Variants in RPTOR observed in about 807,000 individuals in gnomAD.
The protein encoded by RPTOR is regulatory associated protein of MTOR complex 1.
Under a neutral mutation model 169.9 loss-of-function variants are expected in RPTOR, and 21 were observed. That is an observed-to-expected ratio of 0.12 (90% confidence interval 0.09 to 0.18). RPTOR has a LOEUF of 0.18. Ranked by LOEUF, RPTOR falls within the 10% of genes least tolerant of loss-of-function variation. The pLI, the probability that RPTOR is intolerant of heterozygous loss-of-function variation, is 1.00. For synonymous variants in RPTOR, 732 were observed against 753.2 expected, an observed-to-expected ratio of 0.97 and a Z score of 0.46; for missense variants, 1,133 against 1,855.9, an observed-to-expected ratio of 0.61 and a Z score of 7.16.
At chr17:80,585,977 A>T (rs2065057397) in intron 1 of RPTOR, among the ~76,000 whole-genome samples, 1 of 151,182 alleles carries the variant, frequency 6.6e-6, no homozygotes, top group African/African-American at 2.4e-5. Context: ...TATTGTTCCG[A>T]GGTCTTCTGA....
At chr17:80,686,544 A>C (rs1439527432) in intron 3 of RPTOR, among the ~76,000 whole-genome samples, 1 of 151,974 alleles carries the variant, frequency 6.6e-6, no homozygotes, top group Non-Finnish European at 1.5e-5. Flanking sequence ...GAGAAAGGTA[A>C]ATTTACAGTA....
At chr17:80,570,542 C>T (rs954004996) in intron 1 of RPTOR, among the ~76,000 whole-genome samples, 2 of 152,040 alleles carry the variant, frequency 1.3e-5, no homozygotes, top group African/African-American at 4.8e-5. Flanking sequence ...CTCACTGCAA[C>T]CTCCGCCTCC....
At chr17:80,618,217 C>G (rs2065327336) in intron 1 of RPTOR, among the ~76,000 whole-genome samples, 1 of 152,118 alleles carries the variant, frequency 6.6e-6, no homozygotes. Flanking sequence ...AAACTCCTGA[C>G]CTCAGGTGAT....
chr17:80,564,106 A>G (rs1406796381), intron 1 of RPTOR, among the ~76,000 whole-genome samples: 3 of 149,862 alleles, frequency 2.0e-5, no homozygotes, highest in Non-Finnish European at 4.4e-5. Context: ...TCTGTCGCCC[A>G]GGCTGGAGTG....
intron 4 of RPTOR, among the ~76,000 whole-genome samples, chr17:80,709,266 G>A (rs968355834): frequency 2.0e-5 from 3 of 152,224 alleles, no homozygotes; most frequent in African/African-American, 7.2e-5. Flanking sequence ...GAAGCAGGAT[G>A]TAATGAACCA....
chr17:80,566,184 G>A lies in RPTOR; in HGVS notation c.162+20393G>A, dbSNP rs139141021. 3.4e-3 allele frequency among the ~76,000 whole-genome samples: 517 copies of A among 152,310 alleles called. 4 individuals are homozygous for A. Among genetic ancestry groups the A allele is most frequent in the African/African-American group, 0.012 (484 of 41,572 alleles). On this transcript the variant is annotated intron_variant, in intron 1 of 33. Coordinates refer to ENST00000306801, the MANE Select transcript of RPTOR (RefSeq NM_020761.3). ...TCTAAGACTCCTCCTGCATAGCGCA[G>A]CTGTAGGGATTAAGCAGGATAATAT...
chr17:80,954,698 C>T lies in RPTOR; in HGVS notation c.3371-2926C>T, dbSNP rs7225080. On this transcript the variant is annotated intron_variant, in intron 28 of 33. Transcript: ENST00000306801. ...CCCAGAAGCCGAGGCAGATGGATCACCTGAGGTCAATAGTTCAAGACCAGC... is the reference window on the plus strand; with the variant it reads ...CCCAGAAGCCGAGGCAGATGGATCATCTGAGGTCAATAGTTCAAGACCAGC... Among the ~76,000 whole-genome samples, 649 of 152,340 alleles carry T rather than the reference C, an allele frequency of 4.3e-3. 13 individuals are homozygous for T. The highest frequency in any genetic ancestry group is 0.015 in the African/African-American group (620 of 41,578).
At chr17:80,724,751 C>T (rs954500473) in intron 4 of RPTOR, among the ~76,000 whole-genome samples, 9 of 152,200 alleles carry the variant, frequency 5.9e-5, no homozygotes, top group Admixed American at 5.2e-4. Context: ...GTGTGCCCCC[C>T]GTTCCCTCCT....
At chr17:80,884,738 C>T (rs1395364102) in intron 16 of RPTOR, among the ~76,000 whole-genome samples, 1 of 152,232 alleles carries the variant, frequency 6.6e-6, no homozygotes, top group African/African-American at 2.4e-5. Context: ...AGCACATTCC[C>T]TGGTGCCTGG....
At position 80,857,783 on chromosome 17, in the gene RPTOR, C is replaced by T. The variant is rs1264363492; in HGVS notation, c.1399-7C>T. The T allele has an allele frequency of 1.6e-5, 26 of 1,604,494 alleles. No homozygotes were observed. The highest frequency in any genetic ancestry group is 2.0e-5 in the Non-Finnish European group (24 of 1,176,796). On this transcript the variant is annotated splice_region_variant and splice_polypyrimidine_tract_variant and intron_variant, in intron 12 of 33. Coordinates refer to ENST00000306801, the MANE Select transcript of RPTOR (RefSeq NM_020761.3). ...ACAGGTGCGCTGACGCCCTCCCTCG[C>T]CCCCAGGCCTTGTCTGTCGGCATCT...
intron 3 of RPTOR, among the ~76,000 whole-genome samples, chr17:80,645,297 G>A (rs1237615939): frequency 6.6e-6 from 1 of 152,140 alleles, no homozygotes; most frequent in Non-Finnish European, 1.5e-5. Flanking sequence ...GGAATTCAGA[G>A]GAATGCCTTT....
chr17:80,630,226 T>G (rs889002700), intron 2 of RPTOR, among the ~76,000 whole-genome samples: 4 of 152,258 alleles, frequency 2.6e-5, no homozygotes, highest in Non-Finnish European at 5.9e-5. Context: ...TTGCTTTTTT[T>G]GTGCTTTATA....
chr17:80,882,688 T>C (rs1475655982), intron 14 of RPTOR, among the ~76,000 whole-genome samples: 1 of 152,160 alleles, frequency 6.6e-6, no homozygotes, highest in East Asian at 1.9e-4. Context: ...GAAAGCAAGA[T>C]GCAGGACACG....
intron 1 of RPTOR, among the ~76,000 whole-genome samples, chr17:80,570,865 C>T (rs1421008411): frequency 6.6e-6 from 1 of 152,170 alleles, no homozygotes; most frequent in African/African-American, 2.4e-5. Flanking sequence ...CCAACTTACA[C>T]ACAGCATTAA....
chr17:80,674,381 T>A (rs527382457), intron 3 of RPTOR, among the ~76,000 whole-genome samples: 54 of 152,284 alleles, frequency 3.5e-4, no homozygotes, highest in Non-Finnish European at 6.3e-4. Context: ...CCTTTAAGGA[T>A]GTTTCTTAAA....
At chr17:80,725,272 G>A (rs1598258678) in intron 4 of RPTOR, among the ~76,000 whole-genome samples, 1 of 152,144 alleles carries the variant, frequency 6.6e-6, no homozygotes, top group Non-Finnish European at 1.5e-5. Flanking sequence ...TGAGGCAGGC[G>A]GACTCTTCCC....
chr17:80,838,374 G>T (rs1393846705), intron 10 of RPTOR, among the ~76,000 whole-genome samples: 1 of 152,112 alleles, frequency 6.6e-6, no homozygotes, highest in Non-Finnish European at 1.5e-5. Flanking sequence ...ACCCACGGGG[G>T]GTTTGGTGCT....
intron 1 of RPTOR, among the ~76,000 whole-genome samples, chr17:80,598,248 A>G (rs2065158631): frequency 6.6e-6 from 1 of 152,210 alleles, no homozygotes; most frequent in Non-Finnish European, 1.5e-5. Context: ...ATATGATGCC[A>G]TTTCAACATG....
intron 1 of RPTOR, among the ~76,000 whole-genome samples, chr17:80,591,167 T>TTCCCCTCCCCTCCCCTCCCC (rs1272190121): frequency 0.84 from 1,874 of 2,218 alleles, 933 homozygotes; most frequent in Middle Eastern, 1. Context: ...CTCCCCTCCC[T>TTCCCCTCCCCTCCCCTCCCC]TCCCTTCCCC....
Sources: gnomAD v4.1 joint callset for allele counts (sites outside exome capture counted in the v4.1 genomes callset) on GRCh38, gnomAD v4.1.1 for gene constraint, MANE v1.5 for transcripts, NCBI Gene and HGNC (gene_info 2026-07-23, HGNC 2026-07-21) for gene names.